Variants in MYO1D observed in about 807,000 individuals in gnomAD.
MYO1D encodes myosin ID.
Under a neutral mutation model 122.0 loss-of-function variants are expected in MYO1D, and 83 were observed. The observed-to-expected ratio is 0.68, with a 90% CI of 0.57 to 0.82. MYO1D has a LOEUF of 0.82. Ranked by LOEUF, MYO1D falls within the 40% of genes least tolerant of loss-of-function variation. The pLI is 0.00. For synonymous variants in MYO1D, 464 were observed against 446.9 expected (o/e 1.04, Z -0.48); for missense variants, 1,157 against 1,269.5 (o/e 0.91, Z 1.35).
chr17:32,509,308 A>T (rs1344085380), intron 21 of MYO1D, among the ~76,000 whole-genome samples: 1 of 152,216 alleles, frequency 6.6e-6, no homozygotes, highest in Non-Finnish European at 1.5e-5. Context: ...GTGAGTCATT[A>T]CCTTGCTTTG....
intron 16 of MYO1D, among the ~76,000 whole-genome samples, chr17:32,672,488 G>A (rs186939344): frequency 7.5e-4 from 113 of 151,624 alleles, no homozygotes; most frequent in African/African-American, 2.3e-3. Flanking sequence ...GTTTTTTTTC[G>A]TTTGTTTGTT....
At chr17:32,553,613 T>C (rs890918242) in intron 21 of MYO1D, among the ~76,000 whole-genome samples, 10 of 152,220 alleles carry the variant, frequency 6.6e-5, no homozygotes, top group African/African-American at 2.4e-4. Context: ...TTCCCTCTCC[T>C]TGAAACTCTT....
intron 10 of MYO1D, among the ~76,000 whole-genome samples, chr17:32,758,873 A>T (rs549325462): frequency 9.2e-5 from 14 of 152,054 alleles, no homozygotes; most frequent in Admixed American, 3.3e-4. Context: ...TTTAGCGAAA[A>T]TTTTTTGCAT....
At chr17:32,599,807 C>T (rs1156547394) in intron 21 of MYO1D, among the ~76,000 whole-genome samples, 1 of 152,180 alleles carries the variant, frequency 6.6e-6, no homozygotes, top group Non-Finnish European at 1.5e-5. Flanking sequence ...TATGTGCCAC[C>T]ACGCCTGGCT....
chr17:32,837,281 G>GTTTT, intron 1 of MYO1D, among the ~76,000 whole-genome samples: 1 of 84,786 alleles, frequency 1.2e-5, no homozygotes, highest in Admixed American at 1.1e-4. Context: ...TGGGCTGTTT[G>GTTTT]TCTTTTTTTT....
At chr17:32,866,769 A>C (rs2151090832) in intron 1 of MYO1D, among the ~76,000 whole-genome samples, 1 of 152,342 alleles carries the variant, frequency 6.6e-6, no homozygotes, top group South Asian at 2.1e-4. Flanking sequence ...CAGCACAGCC[A>C]GCCCACGCAT....
chr17:32,712,072 A>T lies in MYO1D; in HGVS notation c.2037T>A (p.Ile679=). 1 of 1,614,152 alleles carries T rather than the reference A, an allele frequency of 6.2e-7. No homozygotes were observed. The highest frequency in any genetic ancestry group is 8.5e-7 in the Non-Finnish European group (1 of 1,180,006). ...ACAATGTTCGGGGTGTTCGAATGAAAATTTTGGTCTTCCCATAAGCTACAT... is the reference window on the plus strand; with the variant it reads ...ACAATGTTCGGGGTGTTCGAATGAATATTTTGGTCTTCCCATAAGCTACAT... ...QDDVAYGKTK[I]FIRTPRTLFT... is the part of the protein sequence containing the mutation. The change falls in exon 16 of 22, where the codon ATT becomes ATA. Residue 679 remains isoleucine, a synonymous_variant. Transcript: ENST00000318217.
chr17:32,612,127 G>T (rs35262048), intron 20 of MYO1D, among the ~76,000 whole-genome samples: 20,003 of 152,206 alleles, frequency 0.13, 1,562 homozygotes, highest in Middle Eastern at 0.24. Context: ...GTTGCTGTAA[G>T]AAATGTGAAC....
chr17:32,684,838 ATGTC>A (rs2088983026), intron 16 of MYO1D, among the ~76,000 whole-genome samples: 1 of 152,224 alleles, frequency 6.6e-6, no homozygotes, highest in Non-Finnish European at 1.5e-5. Context: ...ATGCATGAAA[ATGTC>A]TGATTTTCAA....
chr17:32,769,092 T>C (rs767411079), intron 6 of MYO1D, among the ~76,000 whole-genome samples: 12 of 152,194 alleles, frequency 7.9e-5, no homozygotes, highest in Non-Finnish European at 1.6e-4. Flanking sequence ...CCTTACTAAA[T>C]GACTGGTTAG....
At chr17:32,852,142 TTG>T (rs1455886289) in intron 1 of MYO1D, among the ~76,000 whole-genome samples, 1 of 152,184 alleles carries the variant, frequency 6.6e-6, no homozygotes, top group African/African-American at 2.4e-5. Flanking sequence ...AAAGTTTTTT[TTG>T]TTGTTTTTTG....
At chr17:32,698,315 C>T (rs1278218635) in intron 16 of MYO1D, among the ~76,000 whole-genome samples, 7 of 108,780 alleles carry the variant, frequency 6.4e-5, no homozygotes, top group Non-Finnish European at 1.1e-4. Context: ...TCCCCCTTCC[C>T]TCCTTCCTTC....
At chr17:32,820,299 G>A (rs948114567) in intron 1 of MYO1D, among the ~76,000 whole-genome samples, 1 of 152,126 alleles carries the variant, frequency 6.6e-6, no homozygotes, top group Non-Finnish European at 1.5e-5. Context: ...TCACCATCTT[G>A]AAGACAGATC....
intron 16 of MYO1D, among the ~76,000 whole-genome samples, chr17:32,696,181 T>C (rs2089169779): frequency 6.6e-6 from 1 of 152,206 alleles, no homozygotes; most frequent in Admixed American, 6.5e-5. Context: ...CAGAGACCTA[T>C]TCACTTGCAG....
intron 20 of MYO1D, among the ~76,000 whole-genome samples, chr17:32,613,352 C>T (rs954966920): frequency 8.6e-5 from 13 of 152,044 alleles, no homozygotes; most frequent in Non-Finnish European, 1.6e-4. Context: ...AACAAACACA[C>T]CCAGAAATCA....
rs1439693743 is a variant in MYO1D, at chr17:32,712,057, G to C, written c.2052C>G (p.Pro684=). 16 of 1,613,948 alleles carry C rather than the reference G, an allele frequency of 9.9e-6. No individual in the cohort carries two copies. The highest frequency in any genetic ancestry group is 4.0e-5 in the African/African-American group (3 of 74,890). ...YGKTKIFIRT[P]RTLFTLEELR... ...GTTCTTCCAAGGTAAACAATGTTCGGGGTGTTCGAATGAAAATTTTGGTCT... is the reference window on the plus strand; with the variant it reads ...GTTCTTCCAAGGTAAACAATGTTCGCGGTGTTCGAATGAAAATTTTGGTCT... The change falls in exon 16 of 22, where the codon CCC becomes CCG. Residue 684 remains proline, a synonymous_variant. Coordinates refer to ENST00000318217, the MANE Select transcript of MYO1D (RefSeq NM_015194.3).
At chr17:32,510,435 A>AG (rs1909652368) in intron 21 of MYO1D, 1 of 152,272 alleles carries the variant, frequency 6.6e-6, no homozygotes, top group Non-Finnish European at 1.5e-5. Context: ...TTGTCTGGCC[A>AG]GAAGACATTG....
At chr17:32,565,453 A>G (rs963702262) in intron 21 of MYO1D, among the ~76,000 whole-genome samples, 3 of 152,126 alleles carry the variant, frequency 2.0e-5, no homozygotes, top group African/African-American at 7.2e-5. Flanking sequence ...TGGAGATATG[A>G]CCTGGTGAAA....
At chr17:32,853,755 T>C (rs2091007759) in intron 1 of MYO1D, among the ~76,000 whole-genome samples, 1 of 152,190 alleles carries the variant, frequency 6.6e-6, no homozygotes, top group South Asian at 2.1e-4. Context: ...GATTAACAAA[T>C]TATGGATCTT....
Sources: allele counts gnomAD v4.1 joint callset (sites outside exome capture counted in the v4.1 genomes callset), GRCh38; gene constraint gnomAD v4.1.1; transcripts MANE v1.5; gene names NCBI Gene and HGNC (gene_info 2026-07-23, HGNC 2026-07-21).